Variants in PUDP observed in about 807,000 individuals in gnomAD.
PUDP encodes the protein pseudouridine-5'-phosphatase.
Under a neutral mutation model 9.4 loss-of-function variants are expected in PUDP, and 8 were observed. That is an observed-to-expected ratio of 0.85 (90% CI 0.50 to 1.53). The LOEUF (loss-of-function observed/expected upper bound fraction) is 1.53. Ranked by LOEUF, PUDP falls within the 40% of genes most tolerant of loss-of-function variation. The pLI, the probability that PUDP is intolerant of heterozygous loss-of-function variation, is 0.00. For synonymous variants in PUDP, 99 were observed against 80.7 expected (o/e 1.23, Z -1.22); for missense variants, 188 against 189.7 (o/e 0.99, Z 0.05).
chrX:6,839,894 C>T (rs1218023111), intron 3 of PUDP, among the ~76,000 whole-genome samples: 4 of 57,465 alleles, frequency 7.0e-5, no homozygotes, highest in African/African-American at 2.9e-4. Flanking sequence ...AAAATGTATG[C>T]CCCCCCCTCC....
chrX:6,827,085 T>C (rs1926434431), intron 3 of PUDP, among the ~76,000 whole-genome samples: 1 of 112,061 alleles, frequency 8.9e-6, no homozygotes, highest in Non-Finnish European at 1.9e-5. Context: ...GACTCTACCT[T>C]CTACTCTCAA....
chrX:7,103,686 G>A (rs190037358), intron 2 of PUDP, among the ~76,000 whole-genome samples: 1 of 111,954 alleles, frequency 8.9e-6, no homozygotes, highest in African/African-American at 3.2e-5. Flanking sequence ...AAATACATAA[G>A]GAACTCCTAC....
intron 3 of PUDP, among the ~76,000 whole-genome samples, chrX:6,815,173 G>GAA (rs1198524845): frequency 3.5e-4 from 21 of 59,194 alleles, no homozygotes; most frequent in African/African-American, 1.4e-3. Flanking sequence ...TATTGAAAAT[G>GAA]AAAAAAAAAA....
At chrX:6,878,024 G>A (rs1410106503) in intron 3 of PUDP, among the ~76,000 whole-genome samples, 2 of 111,984 alleles carry the variant, frequency 1.8e-5, no homozygotes, top group African/African-American at 6.5e-5. Flanking sequence ...CATTCTTGCA[G>A]GGAAAAAAGA....
chrX:7,065,721 G>A lies in PUDP; in HGVS notation c.510+11499C>T, dbSNP rs148851765. On this transcript the variant is annotated intron_variant, in intron 3 of 3. Transcript: ENST00000381077. ...ATGTCCAGGGGTGGGAGAGTTCACG[G>A]GCTTTATTGCAAATTAGCCCAGGCC... Among the ~76,000 whole-genome samples the A allele has an allele frequency of 1.9e-4, 21 of 111,915 alleles. No homozygotes were observed. The East Asian group carries it at 5.6e-3, about 30-fold the overall frequency.
intron 1 of PUDP, among the ~76,000 whole-genome samples, chrX:7,106,734 A>G (rs755369312): frequency 8.9e-6 from 1 of 112,047 alleles, no homozygotes; most frequent in South Asian, 3.8e-4. Flanking sequence ...CCAGCCTCCT[A>G]GAGCATGCTT....
chrX:6,878,638 G>A (rs180719532), intron 3 of PUDP, among the ~76,000 whole-genome samples: 1,435 of 112,336 alleles, frequency 0.013, 8 homozygotes, highest in Non-Finnish European at 0.019. Context: ...GATTACAGGC[G>A]TGAGTCACCA....
chrX:7,114,062 C>G (rs1163021583), intron 1 of PUDP, among the ~76,000 whole-genome samples: 1 of 109,536 alleles, frequency 9.1e-6, no homozygotes, highest in African/African-American at 3.3e-5. Flanking sequence ...CTCTCTCTCT[C>G]TCTTTTTCTT....
rs1602723559 is a variant in PUDP at position 7,036,499 on chromosome X, T to C, written c.204+40721A>G. ...TTTAACCCATGCAAGGCATTTAGTGTTATAGATATTTGATCTCTTCCCTAC... is the reference window on the plus strand; with the variant it reads ...TTTAACCCATGCAAGGCATTTAGTGCTATAGATATTTGATCTCTTCCCTAC... On this transcript the variant is annotated intron_variant and NMD_transcript_variant, in intron 1 of 3. Transcript: ENST00000655425. Among the ~76,000 whole-genome samples, 3 of 111,670 alleles carry C rather than the reference T, an allele frequency of 2.7e-5. No individual in the cohort carries two copies. The South Asian group carries it at 1.1e-3, about 42-fold the overall frequency.
intron 1 of PUDP, among the ~76,000 whole-genome samples, chrX:7,008,111 C>T (rs1347951570): frequency 9.1e-6 from 1 of 109,551 alleles, no homozygotes; most frequent in African/African-American, 3.3e-5. Flanking sequence ...CTACAGGCAC[C>T]CACCACCACG....
intron 1 of PUDP, among the ~76,000 whole-genome samples, chrX:7,038,029 A>AT (rs1294783245): frequency 1.8e-5 from 2 of 112,154 alleles, no homozygotes; most frequent in East Asian, 5.6e-4. Context: ...TATAGCCATC[A>AT]TTTTTTTTCT....
At position 6,803,058 on chromosome X, in the gene PUDP, AAT is replaced by A. The variant is rs547741593; in HGVS notation, c.*248-96594_*248-96593del. On this transcript the variant is annotated intron_variant and NMD_transcript_variant, in intron 3 of 3. Coordinates refer to the PUDP transcript ENST00000655425. ...AAATATAAAATAAAATATAAAATAA[AAT>A]ATAAAATAAAATAAAATAAAATAAA... Among the ~76,000 whole-genome samples the A allele has an allele frequency of 5.0e-4, 4 of 8,016 alleles. 1 individual carries two copies. The highest frequency in any genetic ancestry group is 6.8e-4 in the Non-Finnish European group (3 of 4,426). 7.0% of individuals were successfully genotyped at this position (8,016 alleles called of 115,157 possible). A position where few individuals can be genotyped will look rare whatever the true frequency, so the allele number is the denominator to read the frequency against.
At chrX:6,796,771 A>C (rs1015790009) in intron 3 of PUDP, among the ~76,000 whole-genome samples, 2 of 112,024 alleles carry the variant, frequency 1.8e-5, no homozygotes, top group African/African-American at 6.5e-5. Flanking sequence ...TTAATAAAAA[A>C]CAGGACAAGA....
intron 3 of PUDP, among the ~76,000 whole-genome samples, chrX:6,961,653 T>C (rs1435312398): frequency 1.8e-5 from 2 of 111,487 alleles, no homozygotes; most frequent in African/African-American, 6.5e-5. Context: ...CCAGAAACTC[T>C]AGGAAGGAGA....
chrX:6,833,260 A>G (rs1926531826), intron 3 of PUDP, among the ~76,000 whole-genome samples: 1 of 112,217 alleles, frequency 8.9e-6, no homozygotes, highest in Non-Finnish European at 1.9e-5. Flanking sequence ...AGATGGATGG[A>G]TGAAGAAAGG....
At chrX:6,869,067 T>C (rs1026698429) in intron 3 of PUDP, among the ~76,000 whole-genome samples, 2 of 111,520 alleles carry the variant, frequency 1.8e-5, no homozygotes, top group East Asian at 5.6e-4. Flanking sequence ...CATTGGCCAG[T>C]TGAGAAGAAT....
intron 3 of PUDP, among the ~76,000 whole-genome samples, chrX:6,843,945 G>A (rs1926707430): frequency 8.9e-6 from 1 of 112,718 alleles, no homozygotes; most frequent in Non-Finnish European, 1.9e-5. Context: ...CAGTTCCAAA[G>A]GTTTTAAGTC....
rs62871862 is a variant in PUDP, at chrX:7,122,215, A to ATGTGTG, written c.62-16383_62-16378dup. Among the ~76,000 whole-genome samples, 282 of 99,949 alleles carry ATGTGTG rather than the reference A, an allele frequency of 2.8e-3. 2 individuals carry two copies. The highest frequency in any genetic ancestry group is 9.6e-3 in the African/African-American group (258 of 26,808). The allele number at this position is 99,949 out of a possible 115,157, so 86.8% of individuals were successfully genotyped here. A position where few individuals can be genotyped will look rare whatever the true frequency, so the allele number is the denominator to read the frequency against. ...CTGTCTCAAAAAAAAAAACCCATAT[A>ATGTGTG]TGTGTGTGTGTGTGTGTGTGTGTGT... On this transcript the variant is annotated intron_variant, in intron 1 of 3. Coordinates refer to ENST00000381077, the MANE Select transcript of PUDP (RefSeq NM_012080.5).
At chrX:6,766,867 T>G (rs759000771) in intron 3 of PUDP, among the ~76,000 whole-genome samples, 1 of 112,264 alleles carries the variant, frequency 8.9e-6, no homozygotes, top group Non-Finnish European at 1.9e-5. Context: ...CCCTCTGTAT[T>G]CTTTCTTACA....
Sources: gnomAD v4.1 joint callset for allele counts (sites outside exome capture counted in the v4.1 genomes callset) on GRCh38, gnomAD v4.1.1 for gene constraint, MANE v1.5 for transcripts, NCBI Gene and HGNC (gene_info 2026-07-23, HGNC 2026-07-21) for gene names.